The following FOXP1 variants were observed in gnomAD, a reference collection of about 807,000 sequenced individuals.
The protein encoded by FOXP1 is forkhead box P1.
FOXP1 carries 15 observed loss-of-function variants against 98.2 expected under a neutral mutation model. That is an observed-to-expected ratio of 0.15 (90% CI 0.10 to 0.24). The LOEUF is 0.24. FOXP1 is among the 10% of genes least tolerant of loss of function. The pLI, the probability that FOXP1 is intolerant of heterozygous loss-of-function variation, is 1.00. For missense variants in FOXP1, 633 were observed against 848.5 expected, an observed-to-expected ratio of 0.75 and a Z score of 3.15; for synonymous variants, 371 against 314.5, an observed-to-expected ratio of 1.18 and a Z score of -1.90.
intron 4 of FOXP1, among the ~76,000 whole-genome samples, chr3:71,331,910 G>A (rs1485109222): frequency 6.6e-6 from 1 of 152,084 alleles, no homozygotes; most frequent in Non-Finnish European, 1.5e-5. Context: ...GAGAACTTTT[G>A]TGTCTAGTTC....
At chr3:71,033,292 T>C (rs551600988) in intron 11 of FOXP1, among the ~76,000 whole-genome samples, 1 of 152,254 alleles carries the variant, frequency 6.6e-6, no homozygotes. Flanking sequence ...AAGATGGTTT[T>C]GGGTGGGAAA....
At chr3:71,385,108 A>G (rs1352354597) in intron 3 of FOXP1, among the ~76,000 whole-genome samples, 4 of 73,224 alleles carry the variant, frequency 5.5e-5, no homozygotes, top group South Asian at 9.8e-4. Flanking sequence ...AAAAGGAAGT[A>G]AAAAAAAAAA....
chr3:71,446,282 G>GAC (rs558912218), intron 3 of FOXP1, among the ~76,000 whole-genome samples: 37 of 152,286 alleles, frequency 2.4e-4, no homozygotes, highest in African/African-American at 8.7e-4. Context: ...CTCGGGCACA[G>GAC]TGGTGGTAGC....
At chr3:71,055,110 G>T (rs2050440662) in intron 7 of FOXP1, among the ~76,000 whole-genome samples, 1 of 152,154 alleles carries the variant, frequency 6.6e-6, no homozygotes, top group Non-Finnish European at 1.5e-5. Context: ...AGTTTATCCT[G>T]ACTTTTTCAC....
At chr3:71,005,154 A>T (rs2042602607) in intron 12 of FOXP1, among the ~76,000 whole-genome samples, 1 of 151,794 alleles carries the variant, frequency 6.6e-6, no homozygotes, top group Admixed American at 6.6e-5. Context: ...ATTTTTTGGT[A>T]GACTGCCCTA....
At chr3:71,278,763 C>G (rs1213387435) in intron 5 of FOXP1, among the ~76,000 whole-genome samples, 1 of 152,146 alleles carries the variant, frequency 6.6e-6, no homozygotes, top group East Asian at 1.9e-4. Context: ...GCCTGGGCGA[C>G]AGAGCGAGAC....
chr3:71,381,153 CTTT>C (rs375670056), intron 3 of FOXP1, among the ~76,000 whole-genome samples: 4 of 139,600 alleles, frequency 2.9e-5, no homozygotes, highest in African/African-American at 5.3e-5. Context: ...GAGGTTCTCT[CTTT>C]TTTTTTTTTT....
chr3:71,022,112 T>C (rs1399854123), intron 11 of FOXP1, among the ~76,000 whole-genome samples: 1 of 152,228 alleles, frequency 6.6e-6, no homozygotes, highest in Non-Finnish European at 1.5e-5. Context: ...GCCTATGGTC[T>C]GTTTTAAGTT....
At chr3:71,571,926 T>A (rs1279275574) in intron 2 of FOXP1, 2 of 152,216 alleles carry the variant, frequency 1.3e-5, no homozygotes, top group African/African-American at 4.8e-5. Context: ...ACACACACTA[T>A]TTTAAAAACA....
intron 7 of FOXP1, among the ~76,000 whole-genome samples, chr3:71,055,814 T>C (rs1438693858): frequency 6.6e-6 from 1 of 152,206 alleles, no homozygotes; most frequent in East Asian, 1.9e-4. Flanking sequence ...AAGAACCATG[T>C]TTAAGGTTTC....
At chr3:71,221,513 C>G (rs1054229353) in intron 5 of FOXP1, among the ~76,000 whole-genome samples, 3 of 152,188 alleles carry the variant, frequency 2.0e-5, no homozygotes, top group African/African-American at 7.2e-5. Context: ...TTCTGCCCTC[C>G]CTTCTTTCCT....
intron 3 of FOXP1, among the ~76,000 whole-genome samples, chr3:71,418,649 C>G (rs1011756549): frequency 6.6e-6 from 1 of 151,986 alleles, no homozygotes; most frequent in African/African-American, 2.4e-5. Flanking sequence ...ATGGCCACCT[C>G]AGATCTAAAC....
At chr3:71,396,039 A>G (rs1463466111) in intron 3 of FOXP1, among the ~76,000 whole-genome samples, 1 of 152,220 alleles carries the variant, frequency 6.6e-6, no homozygotes, top group Non-Finnish European at 1.5e-5. Flanking sequence ...ATTCCTTTCC[A>G]TATTAATTAA....
chr3:71,327,397 T>G (rs886463958), intron 4 of FOXP1, among the ~76,000 whole-genome samples: 1 of 6,448 alleles, frequency 1.6e-4, no homozygotes, highest in Non-Finnish European at 1.5e-3. Context: ...TTTTTTTTTT[T>G]TTTTTTTTTA....
chr3:71,582,373 G>GCGC (rs1013523025), intron 1 of FOXP1: 17 of 978,044 alleles, frequency 1.7e-5, no homozygotes, highest in African/African-American at 3.5e-5. Context: ...TCGGCTCCCG[G>GCGC]CGCCGCCGCC....
At chr3:71,106,184 C>T (rs142147937) in intron 7 of FOXP1, among the ~76,000 whole-genome samples, 11 of 152,312 alleles carry the variant, frequency 7.2e-5, no homozygotes, top group African/African-American at 2.6e-4. Context: ...AGCTGGCCCA[C>T]GTTCAGCACT....
chr3:71,205,655 A>G (rs2063982425), intron 5 of FOXP1, among the ~76,000 whole-genome samples: 1 of 149,660 alleles, frequency 6.7e-6, no homozygotes. Context: ...GAGGAGAAAC[A>G]AACCAGCTGT....
intron 2 of FOXP1, among the ~76,000 whole-genome samples, chr3:71,576,442 C>T (rs545387243): frequency 1.3e-5 from 2 of 152,294 alleles, no homozygotes; most frequent in African/African-American, 4.8e-5. Flanking sequence ...GTAAATATTT[C>T]GTGATATCAG....
At chr3:71,576,157 T>A (rs2047702915) in intron 2 of FOXP1, among the ~76,000 whole-genome samples, 1 of 152,198 alleles carries the variant, frequency 6.6e-6, no homozygotes, top group Non-Finnish European at 1.5e-5. Context: ...ATCTTCAAAC[T>A]GTTGAAATCA....
Sources: allele counts gnomAD v4.1 joint callset (sites outside exome capture counted in the v4.1 genomes callset), GRCh38; gene constraint gnomAD v4.1.1; transcripts MANE v1.5; gene names NCBI Gene and HGNC (gene_info 2026-07-23, HGNC 2026-07-21).